CHUK: variants seen among roughly 807,000 people sequenced by gnomAD.
CHUK encodes the protein component of inhibitor of nuclear factor kappa B kinase complex.
A neutral mutation model predicts 104.8 loss-of-function variants in CHUK; 35 were observed. The observed-to-expected ratio is 0.33, with a 90% CI of 0.26 to 0.44. CHUK has a LOEUF of 0.44. Ranked by LOEUF, CHUK falls within the 20% of genes least tolerant of loss-of-function variation. The probability of loss-of-function intolerance (pLI) is 1.00; values close to 1 mark genes in which losing one functional copy is unlikely to be tolerated. For missense variants in CHUK, 663 were observed against 902.7 expected, an observed-to-expected ratio of 0.73 and a Z score of 3.40; for synonymous variants, 276 against 291.9, an observed-to-expected ratio of 0.95 and a Z score of 0.56.
At chr10:100,222,245 C>T (rs957730457) in intron 3 of CHUK, 64 bp from the exon 4 acceptor site, 21 of 795,404 alleles carry the variant, frequency 2.6e-5, no homozygotes, top group African/African-American at 1.0e-4. Context: ...AGTGACCACA[C>T]ATTAATTACT....
At chr10:100,220,317 C>A (rs527691294) in intron 5 of CHUK, among the ~76,000 whole-genome samples, 7 of 149,902 alleles carry the variant, frequency 4.7e-5, no homozygotes, top group Non-Finnish European at 1.0e-4. Flanking sequence ...TTGAACAAGA[C>A]AGGTGAAGTC....
At chr10:100,215,836 A>C (rs1845842638) in intron 9 of CHUK, among the ~76,000 whole-genome samples, 1 of 152,200 alleles carries the variant, frequency 6.6e-6, no homozygotes, top group South Asian at 2.1e-4. Context: ...ACTTTTGCTC[A>C]TGATGCTCTG....
At chr10:100,229,333 A>T in intron 1 of CHUK, 95 bp downstream of exon 1, 1 of 919,216 alleles carries the variant, frequency 1.1e-6, no homozygotes, top group Non-Finnish European at 1.7e-6. Flanking sequence ...GGTCCCACCA[A>T]CCATCTATCC....
intron 10 of CHUK, among the ~76,000 whole-genome samples, chr10:100,208,965 C>T (rs1240853812): frequency 6.6e-6 from 1 of 151,984 alleles, no homozygotes; most frequent in East Asian, 1.9e-4. Flanking sequence ...CCCAGGCCTC[C>T]ACAAACAAGT....
In CHUK at chr10:100,188,307, A is replaced by T. The variant is rs1845118056; in HGVS notation, c.*1291T>A. 1 of 152,656 alleles carries T rather than the reference A, an allele frequency of 6.6e-6. No homozygotes were observed. 9.5% of individuals were successfully genotyped at this position (152,656 alleles called of 1,614,324 possible). Reference sequence around the variant, plus strand: ...CTTCATGGAACCTTCATATTTTCCTAAGCCATATTCAACTGTTTTATTATA... The same window carrying T: ...CTTCATGGAACCTTCATATTTTCCTTAGCCATATTCAACTGTTTTATTATA... On this transcript the variant is annotated 3_prime_UTR_variant, in exon 21 of 21. Coordinates refer to ENST00000370397, the MANE Select transcript of CHUK (RefSeq NM_001278.5).
rs143535870 is a variant in CHUK at position 100,194,005 on chromosome 10, C to A, written c.1953G>T (p.Trp651Cys). Residue 651 changes from tryptophan (W) to cysteine (C), a missense_variant, in exon 18 of 21, where the codon TGG becomes TGT. Trp to Cys is a radical substitution (Grantham distance 215). Around this residue, in one of 5 missense-constraint regions of CHUK, gnomAD observed 311 missense variants for 393.4 expected, o/e 0.79. Coordinates refer to ENST00000370397, the MANE Select transcript of CHUK (RefSeq NM_001278.5). ...TTACACAGGCAATTTTAAGGAGATG[C>A]CATATTTCTTTCTGCCTTTTTCCCT... is the stretch of plus-strand genomic sequence containing the variant. ...FMQGKRQKEIWHLLKIACTQS... is the reference protein window; with the variant it reads ...FMQGKRQKEICHLLKIACTQS... 1.9e-6 allele frequency: 3 copies of A among 1,613,570 alleles called. No individual in the cohort carries two copies. Among genetic ancestry groups the A allele is most frequent in the Non-Finnish European group, 2.5e-6 (3 of 1,179,658 alleles).
At chr10:100,195,806 T>C (rs1486675511) in intron 16 of CHUK, 3 of 152,246 alleles carry the variant, frequency 2.0e-5, no homozygotes, top group African/African-American at 7.2e-5. Flanking sequence ...TCAAAGAAGC[T>C]ACCTGGGTAG....
At chr10:100,217,413 C>T (rs1845883458) in intron 9 of CHUK, among the ~76,000 whole-genome samples, 1 of 152,044 alleles carries the variant, frequency 6.6e-6, no homozygotes, top group Non-Finnish European at 1.5e-5. Context: ...CAAATCAAAT[C>T]CAGTATGACT....
intron 11 of CHUK, among the ~76,000 whole-genome samples, chr10:100,205,702 C>G (rs1158510364): frequency 6.6e-6 from 1 of 152,150 alleles, no homozygotes; most frequent in Non-Finnish European, 1.5e-5. Context: ...CCAAGGCGGG[C>G]AGATCCCTTG....
Position 100,228,976 on chromosome 10 carries a change from A to AGC in CHUK, c.105+450_105+451dup, listed in dbSNP as rs150099726. Among the ~76,000 whole-genome samples the AGC allele has an allele frequency of 8.0e-3, 1,083 of 135,034 alleles. 11 individuals carry two copies. Among genetic ancestry groups the AGC allele is most frequent in the African/African-American group, 0.025 (907 of 36,330 alleles). The allele number at this position is 135,034 out of a possible 152,430, so 88.6% of individuals were successfully genotyped here. A position where few individuals can be genotyped will look rare whatever the true frequency, so the allele number is the denominator to read the frequency against. ...CCCCACTGATATCATATGGCCTCCA[A>AGC]GCGCGCGCGCGCGCGCGCACACACA... On this transcript the variant is annotated intron_variant, in intron 1 of 20. Coordinates refer to ENST00000370397, the MANE Select transcript of CHUK (RefSeq NM_001278.5).
intron 2 of CHUK, among the ~76,000 whole-genome samples, chr10:100,224,882 T>C (rs1181783209): frequency 6.7e-6 from 1 of 150,296 alleles, no homozygotes; most frequent in Non-Finnish European, 1.5e-5. Flanking sequence ...AGGGTCTTGC[T>C]CTTGTCACCC....
chr10:100,223,990 C>G (rs1367492748), intron 2 of CHUK, among the ~76,000 whole-genome samples: 1 of 152,200 alleles, frequency 6.6e-6, no homozygotes, highest in African/African-American at 2.4e-5. Context: ...CTTAGTGACT[C>G]ACTGTAACAA....
intron 16 of CHUK, among the ~76,000 whole-genome samples, chr10:100,198,863 C>T (rs545057232): frequency 6.6e-6 from 1 of 152,150 alleles, no homozygotes; most frequent in South Asian, 2.1e-4. Flanking sequence ...CACATTAGGG[C>T]ACAGACTTTA....
At chr10:100,224,689 G>C (rs1279823833) in intron 2 of CHUK, among the ~76,000 whole-genome samples, 1 of 151,606 alleles carries the variant, frequency 6.6e-6, no homozygotes, top group Admixed American at 6.6e-5. Context: ...CATCCGCCTT[G>C]GCCTCCCAAA....
Position 100,207,421 on chromosome 10 carries a change from T to C in CHUK, c.1129-89A>G, listed in dbSNP as rs12569388. The stretch of plus-strand genomic sequence containing the variant: ...ATACTTATGCACCAGATTTCCTACT[T>C]TGAAATGCAAATGAACAAAATCAAT... On this transcript the variant is annotated intron_variant, in intron 10 of 20. Transcript: ENST00000370397. 5.6e-6 allele frequency: 4 copies of C among 715,822 alleles called. No homozygotes were observed. The Admixed American group carries it at 6.3e-5, about 11-fold the overall frequency. 44.3% of individuals were successfully genotyped at this position (715,822 alleles called of 1,614,324 possible).
At chr10:100,222,019 T>C (rs561117476) in intron 4 of CHUK, 93 bp downstream of exon 4, 1 of 703,376 alleles carries the variant, frequency 1.4e-6, no homozygotes, top group South Asian at 1.5e-5. Flanking sequence ...AGACTTTGTA[T>C]AGTGTATCAA....
At chr10:100,200,613 G>A (rs2134215759) in intron 15 of CHUK, 58 bp downstream of exon 15, 1 of 863,204 alleles carries the variant, frequency 1.2e-6, no homozygotes, top group Middle Eastern at 2.2e-4. Flanking sequence ...CCAGATGTAA[G>A]CAGAAAGAAT....
chr10:100,189,692 C>A, intron 20 of CHUK, 65 bp from the exon 21 acceptor site: 2 of 1,155,370 alleles, frequency 1.7e-6, no homozygotes, highest in South Asian at 2.5e-5. Context: ...TATGGGTGTT[C>A]ATTTTTGCAA....
intron 16 of CHUK, among the ~76,000 whole-genome samples, chr10:100,197,893 CA>C (rs941470582): frequency 2.0e-5 from 3 of 152,050 alleles, no homozygotes; most frequent in Non-Finnish European, 4.4e-5. Context: ...TTTTCTAAAA[CA>C]AAAAAATTTG....
Sources: gnomAD v4.1 joint callset for allele counts (sites outside exome capture counted in the v4.1 genomes callset) on GRCh38, gnomAD v4.1.1 for gene constraint, gnomAD v4.1.1 regional missense constraint, MANE v1.5 for transcripts, NCBI Gene and HGNC (gene_info 2026-07-23, HGNC 2026-07-21) for gene names.